The following SHISAL1 variants were observed in gnomAD, a reference collection of about 807,000 sequenced individuals.
SHISAL1 encodes the protein shisa like 1, also known as protein shisa-like-1.
SHISAL1 carries 9 observed loss-of-function variants against 22.6 expected under a neutral mutation model. The observed-to-expected ratio is 0.40, with a 90% CI of 0.24 to 0.70. SHISAL1 has a LOEUF of 0.70. Among genes scored for constraint, SHISAL1 ranks in the 30% least tolerant of loss-of-function variants. The pLI, the probability that SHISAL1 is intolerant of heterozygous loss-of-function variation, is 0.39. For synonymous variants in SHISAL1, 119 were observed against 115.4 expected (o/e 1.03, Z -0.20); for missense variants, 246 against 270.6 (o/e 0.91, Z 0.64).
At chr22:44,284,353 A>G (rs1474497506) in intron 4 of SHISAL1, among the ~76,000 whole-genome samples, 1 of 151,942 alleles carries the variant, frequency 6.6e-6, no homozygotes, top group Non-Finnish European at 1.5e-5. Flanking sequence ...GAAGGTTAAG[A>G]GGGGTGAAAT....
At chr22:44,259,946 A>G (rs1285115802) in intron 4 of SHISAL1, among the ~76,000 whole-genome samples, 4 of 152,196 alleles carry the variant, frequency 2.6e-5, no homozygotes, top group African/African-American at 9.7e-5. Context: ...CGATTTGTTT[A>G]GAAATTCTCA....
At chr22:44,273,748 A>G (rs1294389321) in intron 4 of SHISAL1, among the ~76,000 whole-genome samples, 1 of 152,258 alleles carries the variant, frequency 6.6e-6, no homozygotes, top group Non-Finnish European at 1.5e-5. Flanking sequence ...TGAGGGATGT[A>G]TACAGACAAG....
the SHISAL1 span, among the ~76,000 whole-genome samples, chr22:44,326,822 TG>T: frequency 2.0e-5 from 3 of 152,100 alleles, no homozygotes; most frequent in East Asian, 5.8e-4. Context: ...TCTGCTTCTG[TG>T]GATGGCTAGG....
intron 2 of SHISAL1, among the ~76,000 whole-genome samples, chr22:44,300,106 CAGACAG>C (rs1208835568): frequency 6.9e-6 from 1 of 145,284 alleles, no homozygotes; most frequent in Non-Finnish European, 1.5e-5. Flanking sequence ...CACAGAGAGA[CAGACAG>C]AGAGACAGAG....
chr22:44,315,165 G>A (rs868002963), upstream of SHISAL1, among the ~76,000 whole-genome samples: 6 of 152,180 alleles, frequency 3.9e-5, no homozygotes, highest in African/African-American at 7.2e-5. Flanking sequence ...AAGGACTGCC[G>A]AGGGCGAATA....
intron 4 of SHISAL1, among the ~76,000 whole-genome samples, chr22:44,252,394 TATC>T (rs1197595825): frequency 6.6e-6 from 1 of 152,118 alleles, no homozygotes; most frequent in Non-Finnish European, 1.5e-5. Flanking sequence ...GGATTAAAGA[TATC>T]ATGTCATGTT....
At chr22:44,287,072 G>C (rs975810780) in intron 3 of SHISAL1, among the ~76,000 whole-genome samples, 1 of 60,470 alleles carries the variant, frequency 1.7e-5, no homozygotes, top group Non-Finnish European at 4.8e-5. Context: ...GTTTGAGGCT[G>C]GGGGGAAGGG....
chr22:44,288,159 A>G (rs9614421), intron 3 of SHISAL1, among the ~76,000 whole-genome samples: 25,575 of 152,176 alleles, frequency 0.17, 2,298 homozygotes, highest in East Asian at 0.29. Flanking sequence ...CTTTTTCATC[A>G]TTGTCATCCC....
intron 4 of SHISAL1, among the ~76,000 whole-genome samples, chr22:44,257,139 G>A (rs2055089942): frequency 6.6e-6 from 1 of 152,240 alleles, no homozygotes; most frequent in Admixed American, 6.5e-5. Context: ...GGTCATTTCT[G>A]TGGAAGGCAA....
the SHISAL1 span, among the ~76,000 whole-genome samples, chr22:44,326,041 C>T: frequency 6.6e-6 from 1 of 152,042 alleles, no homozygotes; most frequent in Non-Finnish European, 1.5e-5. Context: ...AATCGCCCCT[C>T]CTCGCCCCAG....
chr22:44,286,321 A>C (rs1411889453), intron 3 of SHISAL1, among the ~76,000 whole-genome samples: 1 of 152,098 alleles, frequency 6.6e-6, no homozygotes, highest in Non-Finnish European at 1.5e-5. Flanking sequence ...CAGGCTGTGC[A>C]TGGCTGGGGC....
chr22:44,287,398 G>C (rs73888973), intron 3 of SHISAL1, among the ~76,000 whole-genome samples: 3,180 of 152,326 alleles, frequency 0.021, 125 homozygotes, highest in African/African-American at 0.073. Flanking sequence ...TTCTTGGCCT[G>C]AAGATGCTGC....
At chr22:44,275,390 G>A (rs1214488773) in intron 4 of SHISAL1, among the ~76,000 whole-genome samples, 2 of 152,210 alleles carry the variant, frequency 1.3e-5, no homozygotes, top group Non-Finnish European at 2.9e-5. Context: ...AGGGGCCGAC[G>A]GCGGATCAGA....
the SHISAL1 span, among the ~76,000 whole-genome samples, chr22:44,330,304 TCA>T: frequency 2.0e-5 from 3 of 152,280 alleles, no homozygotes; most frequent in East Asian, 5.8e-4. Context: ...TTGGTCAAGG[TCA>T]CACAGCCGTG....
At chr22:44,290,914 A>C (rs149305353) in intron 3 of SHISAL1, among the ~76,000 whole-genome samples, 1 of 152,304 alleles carries the variant, frequency 6.6e-6, no homozygotes, top group Non-Finnish European at 1.5e-5. Context: ...GAGGTTGTCT[A>C]GGGCAGTGGC....
At chr22:44,302,620 G>A (rs1423970365) in intron 1 of SHISAL1, among the ~76,000 whole-genome samples, 2 of 152,024 alleles carry the variant, frequency 1.3e-5, no homozygotes, top group East Asian at 2.0e-4. Context: ...GGATAGCAGG[G>A]GCAAAGGCCC....
At chr22:44,270,511 C>G (rs987814332) in intron 4 of SHISAL1, among the ~76,000 whole-genome samples, 4 of 152,138 alleles carry the variant, frequency 2.6e-5, no homozygotes, top group African/African-American at 9.7e-5. Context: ...GTGGGAGGAG[C>G]TGGGCAGTGA....
chr22:44,296,757 C>A lies in SHISAL1; in HGVS notation c.196G>T (p.Val66Phe), dbSNP rs778281811. The change falls in exon 3 of 5, where the codon GTC (valine) becomes TTC (phenylalanine). Residue 66 changes from valine (V) to phenylalanine (F), a missense_variant. By Grantham distance (50) the Val-to-Phe change is conservative. This residue lies in a region of SHISAL1 where 110 missense variants were observed against 153.1 expected (regional missense o/e 0.72). Transcript: ENST00000381176. ...GTCTCGTTGCAGCAGTATTTGAAGA[C>A]CGTGTTGTTATGGTGACAACAGAGG... ...FILCCHHNNT[V>F]FKYCCNETEF... 2 of 1,614,160 alleles carry A rather than the reference C, an allele frequency of 1.2e-6. No individual in the cohort carries two copies. Among genetic ancestry groups the A allele is most frequent in the South Asian group, 2.2e-5 (2 of 91,082 alleles).
chr22:44,284,221 G>A (rs1173687429), intron 4 of SHISAL1, among the ~76,000 whole-genome samples: 5 of 151,992 alleles, frequency 3.3e-5, no homozygotes, highest in Admixed American at 6.5e-5. Context: ...ACTAACTCAC[G>A]TCATTGCTGC....
Sources: allele counts gnomAD v4.1 joint callset (sites outside exome capture counted in the v4.1 genomes callset), GRCh38; gene constraint gnomAD v4.1.1; regional missense constraint gnomAD v4.1.1; transcripts MANE v1.5; gene names NCBI Gene and HGNC (gene_info 2026-07-23, HGNC 2026-07-21).